SH3RF3: variants seen among roughly 807,000 people sequenced by gnomAD.
SH3RF3 encodes SH3 domain containing ring finger 3.
In SH3RF3, 29 loss-of-function variants were observed where a neutral mutation model predicts 66.3. The observed-to-expected ratio is 0.44, with a 90% CI of 0.33 to 0.60. The LOEUF is 0.60. SH3RF3 is among the 20% of genes least tolerant of loss of function. SH3RF3 has a pLI of 0.04. For missense variants in SH3RF3, 1,194 were observed against 1,190.9 expected, an observed-to-expected ratio of 1.00 and a Z score of -0.04; for synonymous variants, 583 against 532.0, an observed-to-expected ratio of 1.10 and a Z score of -1.32.
chr2:109,444,220 A>G (rs748236303), intron 7 of SH3RF3, among the ~76,000 whole-genome samples: 5 of 152,388 alleles, frequency 3.3e-5, no homozygotes, highest in Admixed American at 1.3e-4. Context: ...GAAAAAGAAC[A>G]GTGAACTTGG....
At chr2:109,445,786 A>G (rs1481322151) in intron 7 of SH3RF3, among the ~76,000 whole-genome samples, 2 of 152,078 alleles carry the variant, frequency 1.3e-5, no homozygotes, top group African/African-American at 4.8e-5. Context: ...TGGGAGTTCC[A>G]TTTCATCCCT....
intron 2 of SH3RF3, among the ~76,000 whole-genome samples, chr2:109,366,118 T>C (rs1559045192): frequency 1.3e-5 from 2 of 152,220 alleles, no homozygotes; most frequent in Non-Finnish European, 2.9e-5. Context: ...TTCTATCTCC[T>C]AGAGTTATCC....
chr2:109,239,547 G>C (rs1679729586), intron 1 of SH3RF3, among the ~76,000 whole-genome samples: 1 of 152,236 alleles, frequency 6.6e-6, no homozygotes, highest in Non-Finnish European at 1.5e-5. Flanking sequence ...GGTCCGATGA[G>C]GGACACGGGG....
At chr2:109,306,763 G>A (rs1333902917) in intron 1 of SH3RF3, among the ~76,000 whole-genome samples, 1 of 152,230 alleles carries the variant, frequency 6.6e-6, no homozygotes, top group Non-Finnish European at 1.5e-5. Context: ...GGATGGTGCA[G>A]GAAGAAACTA....
chr2:109,265,340 C>A (rs549063665), intron 1 of SH3RF3, among the ~76,000 whole-genome samples: 1 of 152,254 alleles, frequency 6.6e-6, no homozygotes, highest in African/African-American at 2.4e-5. Context: ...CAAAATACTG[C>A]AAAATGGAAG....
At chr2:109,267,161 G>A (rs575124282) in intron 1 of SH3RF3, among the ~76,000 whole-genome samples, 2 of 152,200 alleles carry the variant, frequency 1.3e-5, no homozygotes, top group East Asian at 3.9e-4. Flanking sequence ...AGTTGCTTCC[G>A]ATCGGTGATT....
intron 1 of SH3RF3, among the ~76,000 whole-genome samples, chr2:109,198,821 G>A (rs1678568774): frequency 6.6e-6 from 1 of 152,238 alleles, no homozygotes; most frequent in African/African-American, 2.4e-5. Context: ...ACGTGGCACA[G>A]CCTGTGTTCC....
chr2:109,260,163 G>A (rs1366444169), intron 1 of SH3RF3, among the ~76,000 whole-genome samples: 5 of 152,266 alleles, frequency 3.3e-5, no homozygotes, highest in Admixed American at 6.5e-5. Context: ...GCATTCCCGA[G>A]ACTTTCCTGG....
chr2:109,131,515 C>A (rs1676695139), intron 1 of SH3RF3, among the ~76,000 whole-genome samples: 1 of 152,092 alleles, frequency 6.6e-6, no homozygotes, highest in Admixed American at 6.5e-5. Context: ...TTCGGAGCCC[C>A]GCTTCTAGTA....
intron 1 of SH3RF3, among the ~76,000 whole-genome samples, chr2:109,182,982 T>C (rs1678104540): frequency 6.6e-6 from 1 of 152,160 alleles, no homozygotes; most frequent in Non-Finnish European, 1.5e-5. Flanking sequence ...ATTTTGGGTC[T>C]CCTAACAGGT....
chr2:109,458,204 G>T lies in SH3RF3; in HGVS notation c.2148+8715G>T, dbSNP rs189757268. Among the ~76,000 whole-genome samples, 368 of 152,214 alleles carry T rather than the reference G, an allele frequency of 2.4e-3. 1 individual carries two copies. Among genetic ancestry groups the T allele is most frequent in the Admixed American group, 3.6e-3 (55 of 15,298 alleles). On this transcript the variant is annotated intron_variant, in intron 8 of 9. Coordinates refer to ENST00000309415, the MANE Select transcript of SH3RF3 (RefSeq NM_001099289.3). ...TTGCTTATTAAATTCCTTCCAGGCC[G>T]CATCTTACTACATTATAGGACACAT...
chr2:109,333,820 T>C (rs959098138), intron 1 of SH3RF3, among the ~76,000 whole-genome samples: 7 of 152,314 alleles, frequency 4.6e-5, no homozygotes, highest in Non-Finnish European at 8.8e-5. Context: ...GGAGATAATA[T>C]GGAGATAATA....
chr2:109,269,011 G>T (rs898913928), intron 1 of SH3RF3, among the ~76,000 whole-genome samples: 1 of 152,188 alleles, frequency 6.6e-6, no homozygotes, highest in Non-Finnish European at 1.5e-5. Flanking sequence ...ACATGCCCAG[G>T]TGATGAGGCT....
chr2:109,398,997 T>A, intron 4 of SH3RF3, 54 bp downstream of exon 4: 1 of 1,518,658 alleles, frequency 6.6e-7, no homozygotes, highest in Non-Finnish European at 8.9e-7. Flanking sequence ...GGTTCTATCC[T>A]CAGCTCCGTG....
chr2:109,436,266 T>C (rs1392576408), intron 6 of SH3RF3, among the ~76,000 whole-genome samples: 1 of 152,168 alleles, frequency 6.6e-6, no homozygotes, highest in Admixed American at 6.5e-5. Flanking sequence ...CTCCAGGACA[T>C]GGATTAATTG....
intron 4 of SH3RF3, among the ~76,000 whole-genome samples, chr2:109,403,035 C>T (rs1348290215): frequency 1.3e-5 from 2 of 152,190 alleles, no homozygotes; most frequent in Non-Finnish European, 2.9e-5. Flanking sequence ...AGCCCCTTAG[C>T]TGGCCGAATT....
chr2:109,270,210 A>G (rs1191852441), intron 1 of SH3RF3, among the ~76,000 whole-genome samples: 3 of 152,152 alleles, frequency 2.0e-5, no homozygotes, highest in Non-Finnish European at 2.9e-5. Flanking sequence ...GTGGCCTGTC[A>G]CAAGGAAGAT....
chr2:109,480,207 C>T (rs947957602), intron 8 of SH3RF3, among the ~76,000 whole-genome samples: 11 of 152,360 alleles, frequency 7.2e-5, no homozygotes, highest in Admixed American at 5.2e-4. Context: ...CTGCATGGCA[C>T]CAAACATCTG....
At chr2:109,206,920 G>C (rs1202142763) in intron 1 of SH3RF3, among the ~76,000 whole-genome samples, 1 of 152,230 alleles carries the variant, frequency 6.6e-6, no homozygotes, top group African/African-American at 2.4e-5. Context: ...TTGTGTTTGG[G>C]ATAGCATGTC....
Sources: allele counts gnomAD v4.1 joint callset (sites outside exome capture counted in the v4.1 genomes callset), GRCh38; gene constraint gnomAD v4.1.1; transcripts MANE v1.5; gene names NCBI Gene and HGNC (gene_info 2026-07-23, HGNC 2026-07-21).